Variants in PSKH1 observed in about 807,000 individuals in gnomAD.
The protein encoded by PSKH1 is serine/threonine-protein kinase H1.
Under a neutral mutation model 26.7 loss-of-function variants are expected in PSKH1, and 12 were observed. The ratio of observed to expected loss-of-function variants is 0.45; its 90% CI spans 0.29 to 0.73. The LOEUF is 0.73. PSKH1 is among the 30% of genes least tolerant of loss of function. The pLI is 0.11. For synonymous variants in PSKH1, 213 were observed against 234.3 expected, an observed-to-expected ratio of 0.91 and a Z score of 0.83; for missense variants, 431 against 595.2, an observed-to-expected ratio of 0.72 and a Z score of 2.87.
chr16:67,893,714 T>G (rs1567395684), intron 1 of PSKH1, among the ~76,000 whole-genome samples: 1 of 152,244 alleles, frequency 6.6e-6, no homozygotes, highest in Non-Finnish European at 1.5e-5. Flanking sequence ...GTTGTCCTTG[T>G]CCTTACTGCC....
chr16:67,896,466 C>T (rs1054807778), intron 1 of PSKH1, among the ~76,000 whole-genome samples: 2 of 151,046 alleles, frequency 1.3e-5, no homozygotes, highest in Admixed American at 6.6e-5. Flanking sequence ...GTGTAGGAAG[C>T]TGCTTTGTAT....
intron 1 of PSKH1, among the ~76,000 whole-genome samples, chr16:67,897,419 A>G (rs558379860): frequency 6.6e-6 from 1 of 152,112 alleles, no homozygotes; most frequent in Admixed American, 6.5e-5. Context: ...AGGTGGAAAC[A>G]TGTGATGTTT....
chr16:67,899,046 G>A (rs1250402243), intron 1 of PSKH1, among the ~76,000 whole-genome samples: 1 of 152,206 alleles, frequency 6.6e-6, no homozygotes, highest in South Asian at 2.1e-4. Flanking sequence ...CACAGACCCT[G>A]CCTCTATGGA....
In PSKH1 at chr16:67,927,732, C is replaced by G. The variant is rs2058221859; in HGVS notation, c.*90C>G. 1.4e-6 allele frequency: 2 copies of G among 1,382,284 alleles called. No individual in the cohort carries two copies. The highest frequency in any genetic ancestry group is 1.9e-6 in the Non-Finnish European group (2 of 1,029,586). The allele number at this position is 1,382,284 out of a possible 1,614,324, so 85.6% of individuals were successfully genotyped here. ...TCCGATGCCCTCTCTGGAGATAGGC[C>G]TATGTGGCCCACAGTAGGTGAAGAA... On this transcript the variant is annotated 3_prime_UTR_variant, in exon 3 of 3. Coordinates refer to ENST00000291041, the MANE Select transcript of PSKH1 (RefSeq NM_006742.3). This position sits in a 1 kb window ranked among gnomAD's most constrained non-coding sequence, Gnocchi z 5.5.
intron 1 of PSKH1, among the ~76,000 whole-genome samples, chr16:67,898,985 G>T (rs2058134254): frequency 6.6e-6 from 1 of 152,172 alleles, no homozygotes; most frequent in Admixed American, 6.6e-5. Flanking sequence ...AGGTTATAAA[G>T]CTTTGCTTGG....
At chr16:67,898,611 CTTTT>C (rs1163167035) in intron 1 of PSKH1, among the ~76,000 whole-genome samples, 3 of 150,016 alleles carry the variant, frequency 2.0e-5, no homozygotes, top group Non-Finnish European at 4.4e-5. Flanking sequence ...GTTTTTCTTT[CTTTT>C]TCTTTCTTTC....
chr16:67,929,251 G>A lies in PSKH1; in HGVS notation c.*1609G>A, dbSNP rs2058229391. ...GGTTCCCACTCAGCTTCTGCCGGTC[G>A]GCAGCCTGGGCCAGGCCCTTTTCCT... On this transcript the variant is annotated 3_prime_UTR_variant, in exon 3 of 3. Transcript: ENST00000291041. 1.3e-5 allele frequency: 2 copies of A among 152,474 alleles called. No individual in the cohort carries two copies. Among genetic ancestry groups the A allele is most frequent in the South Asian group, 2.1e-4 (1 of 4,836 alleles). 9.4% of individuals were successfully genotyped at this position (152,474 alleles called of 1,614,324 possible). A position where few individuals can be genotyped will look rare whatever the true frequency, so the allele number is the denominator to read the frequency against.
intron 2 of PSKH1, among the ~76,000 whole-genome samples, chr16:67,922,699 G>A (rs564423713): frequency 2.0e-5 from 3 of 152,210 alleles, no homozygotes; most frequent in Admixed American, 6.5e-5. Context: ...AAGTGAAGGC[G>A]GTGTGATTTC....
intron 1 of PSKH1, among the ~76,000 whole-genome samples, chr16:67,898,908 G>A (rs951804917): frequency 1.3e-5 from 2 of 151,966 alleles, no homozygotes; most frequent in African/African-American, 4.8e-5. Flanking sequence ...GGTGTGAGCC[G>A]CTGCGCCCAG....
intron 1 of PSKH1, 114 bp from the exon 2 acceptor site, chr16:67,908,566 G>T (rs1330154834): frequency 7.2e-6 from 4 of 557,698 alleles, no homozygotes; most frequent in Non-Finnish European, 1.3e-5. Context: ...ATCACGCCTG[G>T]CCAGGAGTTT....
intron 2 of PSKH1, among the ~76,000 whole-genome samples, chr16:67,911,337 A>G (rs1219364127): frequency 6.6e-6 from 1 of 152,176 alleles, no homozygotes; most frequent in African/African-American, 2.4e-5. Context: ...CTTTCCTCCC[A>G]GGGGTGTGGG....
intron 2 of PSKH1, among the ~76,000 whole-genome samples, chr16:67,918,023 C>T (rs1277908749): frequency 2.0e-5 from 3 of 152,062 alleles, no homozygotes; most frequent in Non-Finnish European, 2.9e-5. Context: ...CCTTGAGAGG[C>T]GGCTTCCTAT....
At chr16:67,922,597 C>T (rs1456555749) in intron 2 of PSKH1, among the ~76,000 whole-genome samples, 3 of 151,922 alleles carry the variant, frequency 2.0e-5, no homozygotes, top group Admixed American at 6.6e-5. Context: ...CATGTGGCCA[C>T]GTGAAGGAAA....
chr16:67,904,016 ATTT>A (rs58819890), intron 1 of PSKH1, among the ~76,000 whole-genome samples: 8 of 126,420 alleles, frequency 6.3e-5, no homozygotes, highest in Admixed American at 8.0e-5. Flanking sequence ...TACCCAGCTG[ATTT>A]TTTTTTTTTT....
rs1387936268 is a variant in PSKH1 at position 67,909,673 on chromosome 16, G to C, written c.924G>C (p.Gln308His). Residue 308 changes from glutamine to histidine, a missense_variant, in exon 2 of 3, where the codon CAG (glutamine) becomes CAC (histidine). Gln to His is a conservative substitution (Grantham distance 24, BLOSUM62 0). Coordinates refer to ENST00000291041, the MANE Select transcript of PSKH1 (RefSeq NM_006742.3). This position sits in a 1 kb window ranked among gnomAD's most constrained non-coding sequence, Gnocchi z 7.8. Reference protein sequence around the residue: ...EDDNRTRLYRQILRGKYSYSG... With the variant: ...EDDNRTRLYRHILRGKYSYSG... ...ACAACCGTACCCGGCTGTACCGGCAGATCCTCAGGGGCAAGTACAGTTACT... is the reference window on the plus strand; with the variant it reads ...ACAACCGTACCCGGCTGTACCGGCACATCCTCAGGGGCAAGTACAGTTACT... 6.2e-7 allele frequency: 1 copy of C among 1,612,982 alleles called. No homozygotes were observed. The highest frequency in any genetic ancestry group is 1.3e-5 in the African/African-American group (1 of 74,942).
Position 67,927,810 on chromosome 16 carries a change from G to A in PSKH1, c.*168G>A, listed in dbSNP as rs746739399. On this transcript the variant is annotated 3_prime_UTR_variant, in exon 3 of 3. Coordinates refer to ENST00000291041, the MANE Select transcript of PSKH1 (RefSeq NM_006742.3). The surrounding 1 kb of genome is among the most constrained non-coding windows in gnomAD (Gnocchi z 5.5). ...CTTCAGCAGCCCCTGTCCTCACCAT[G>A]GGCCTGGGCCAGGTGTGACAGAGTA... is the stretch of plus-strand genomic sequence containing the variant. 130 of 808,862 alleles carry A rather than the reference G, an allele frequency of 1.6e-4. No homozygotes were observed. The highest frequency in any genetic ancestry group is 3.2e-5 in the Non-Finnish European group (17 of 527,764). 50.1% of individuals were successfully genotyped at this position (808,862 alleles called of 1,614,324 possible).
intron 1 of PSKH1, among the ~76,000 whole-genome samples, chr16:67,903,948 C>G (rs895179438): frequency 1.3e-5 from 2 of 148,626 alleles, no homozygotes; most frequent in Admixed American, 1.4e-4. Context: ...CTCTTGGGCT[C>G]AAGCAGTCCT....
rs530784556 is a variant in PSKH1, at chr16:67,926,704, G to C, written c.958-621G>C. 2.6e-5 allele frequency among the ~76,000 whole-genome samples: 4 copies of C among 152,150 alleles called. No homozygotes were observed. In the South Asian group the frequency reaches 6.2e-4, roughly 24 times the overall value. On this transcript the variant is annotated intron_variant, in intron 2 of 2. Transcript: ENST00000291041. ...CCTTTGTGGCTTAGAGAAGTAATGC[G>C]GGCCAGAGGGTGCCACTGAGAAGGG...
At chr16:67,915,502 C>A (rs543104924) in intron 2 of PSKH1, among the ~76,000 whole-genome samples, 3 of 152,052 alleles carry the variant, frequency 2.0e-5, no homozygotes, top group Non-Finnish European at 4.4e-5. Flanking sequence ...TCCAGCAGAC[C>A]CTCAGGCCCC....
Sources: gnomAD v4.1 joint callset for allele counts (sites outside exome capture counted in the v4.1 genomes callset) on GRCh38, gnomAD v4.1.1 for gene constraint, Gnocchi (gnomAD v3.1) non-coding constraint, MANE v1.5 for transcripts, NCBI Gene and HGNC (gene_info 2026-07-23, HGNC 2026-07-21) for gene names.